ADGRB3: variants seen among roughly 807,000 people sequenced by gnomAD.
ADGRB3 encodes brain-specific angiogenesis inhibitor 3.
ADGRB3 carries 37 observed loss-of-function variants against 193.4 expected under a neutral mutation model. That is an observed-to-expected ratio of 0.19 (90% confidence interval 0.15 to 0.25). The LOEUF (loss-of-function observed/expected upper bound fraction) is 0.25. Among genes scored for constraint, ADGRB3 ranks in the 10% least tolerant of loss-of-function variants. The probability of loss-of-function intolerance (pLI) is 1.00; values close to 1 mark genes in which losing one functional copy is unlikely to be tolerated. For synonymous variants in ADGRB3, 690 were observed against 644.2 expected, an observed-to-expected ratio of 1.07 and a Z score of -1.08; for missense variants, 1,637 against 1,852.9, an observed-to-expected ratio of 0.88 and a Z score of 2.14.
chr6:68,659,329 T>TAA (rs143311303), intron 3 of ADGRB3, among the ~76,000 whole-genome samples: 4 of 145,144 alleles, frequency 2.8e-5, no homozygotes, highest in African/African-American at 7.5e-5. Context: ...TCATTTTTTC[T>TAA]AAAAAAAAAA....
intron 17 of ADGRB3, among the ~76,000 whole-genome samples, chr6:69,089,106 G>A (rs1161955847): frequency 6.6e-6 from 1 of 152,214 alleles, no homozygotes; most frequent in Non-Finnish European, 1.5e-5. Flanking sequence ...CTCCACAGAG[G>A]AAGTACTGCA....
chr6:69,189,834 G>A (rs866688126), intron 17 of ADGRB3, among the ~76,000 whole-genome samples: 11 of 152,258 alleles, frequency 7.2e-5, no homozygotes, highest in South Asian at 2.1e-4. Context: ...CCGTAGTAAT[G>A]TTGTATACCA....
At chr6:68,883,085 A>C (rs1765778986) in intron 3 of ADGRB3, among the ~76,000 whole-genome samples, 1 of 151,986 alleles carries the variant, frequency 6.6e-6, no homozygotes. Context: ...TAGTAGAGAC[A>C]GGGTTTCACT....
intron 3 of ADGRB3, among the ~76,000 whole-genome samples, chr6:68,892,585 G>A (rs891000648): frequency 1.3e-5 from 2 of 152,020 alleles, no homozygotes; most frequent in African/African-American, 2.4e-5. Flanking sequence ...CCACTGGATT[G>A]TAAACTCCCT....
At chr6:69,174,816 G>T (rs1286047690) in intron 17 of ADGRB3, among the ~76,000 whole-genome samples, 1 of 152,150 alleles carries the variant, frequency 6.6e-6, no homozygotes, top group Non-Finnish European at 1.5e-5. Flanking sequence ...GGCGTCAGAT[G>T]GTATCTCATT....
intron 13 of ADGRB3, among the ~76,000 whole-genome samples, chr6:69,028,870 T>C (rs1289820488): frequency 6.6e-6 from 1 of 152,202 alleles, no homozygotes; most frequent in Non-Finnish European, 1.5e-5. Flanking sequence ...TTCCTCAAGC[T>C]TTCTAAGAAA....
intron 3 of ADGRB3, among the ~76,000 whole-genome samples, chr6:68,657,347 T>A (rs1477687893): frequency 6.6e-6 from 1 of 151,506 alleles, no homozygotes; most frequent in African/African-American, 2.4e-5. Flanking sequence ...CTCAGTGCCA[T>A]GTCATGTAAC....
intron 17 of ADGRB3, among the ~76,000 whole-genome samples, chr6:69,080,752 A>G (rs753627088): frequency 7.2e-5 from 11 of 152,132 alleles, no homozygotes; most frequent in Admixed American, 2.0e-4. Context: ...TCAATTAACC[A>G]TAGACAGGAA....
At chr6:69,336,474 A>T (rs886683065) in intron 24 of ADGRB3, among the ~76,000 whole-genome samples, 3 of 151,990 alleles carry the variant, frequency 2.0e-5, no homozygotes, top group African/African-American at 7.2e-5. Flanking sequence ...GTTATTAACA[A>T]TAAATCAGTC....
Position 68,638,658 on chromosome 6 carries a change from C to T in ADGRB3, c.-15-3C>T. ...CATTTTACTTTCATTGCCATTTTTA[C>T]AGGCCAAATGACATAGGATGAAGGC... On this transcript the variant is annotated splice_polypyrimidine_tract_variant and splice_region_variant and intron_variant, in intron 2 of 31. Transcript: ENST00000370598. 1 of 1,575,592 alleles carries T rather than the reference C, an allele frequency of 6.3e-7. No individual in the cohort carries two copies. The highest frequency in any genetic ancestry group is 8.6e-7 in the Non-Finnish European group (1 of 1,162,242).
At chr6:69,353,043 A>C (rs934642823) in intron 26 of ADGRB3, among the ~76,000 whole-genome samples, 7 of 152,178 alleles carry the variant, frequency 4.6e-5, no homozygotes, top group Non-Finnish European at 1.0e-4. Context: ...ATTGACATTG[A>C]CTTGGAATAA....
At chr6:68,949,379 C>T (rs1393785123) in intron 6 of ADGRB3, among the ~76,000 whole-genome samples, 1 of 150,200 alleles carries the variant, frequency 6.7e-6, no homozygotes, top group African/African-American at 2.4e-5. Flanking sequence ...AGATATATTT[C>T]CTACTCTTAC....
At chr6:69,211,153 G>GTGTA (rs1765659356) in intron 17 of ADGRB3, among the ~76,000 whole-genome samples, 1 of 152,030 alleles carries the variant, frequency 6.6e-6, no homozygotes, top group South Asian at 2.1e-4. Context: ...AGCAGAAGTT[G>GTGTA]TGTATGTGAC....
At chr6:69,168,912 AT>A (rs1176621659) in intron 17 of ADGRB3, among the ~76,000 whole-genome samples, 2 of 151,758 alleles carry the variant, frequency 1.3e-5, no homozygotes, top group Non-Finnish European at 2.9e-5. Flanking sequence ...CATCTCATAA[AT>A]TTTTTTTACT....
At chr6:69,151,974 A>G (rs1167678022) in intron 17 of ADGRB3, among the ~76,000 whole-genome samples, 1 of 151,952 alleles carries the variant, frequency 6.6e-6, no homozygotes, top group Non-Finnish European at 1.5e-5. Flanking sequence ...CTTGGCACTT[A>G]TCCTTGATGC....
intron 8 of ADGRB3, among the ~76,000 whole-genome samples, chr6:68,968,215 T>G (rs1768440466): frequency 1.3e-5 from 2 of 152,146 alleles, no homozygotes; most frequent in Admixed American, 6.6e-5. Flanking sequence ...GCCGGCCCAG[T>G]AAACATTTCA....
chr6:69,029,727 A>T (rs1770568981), intron 13 of ADGRB3, among the ~76,000 whole-genome samples: 1 of 152,132 alleles, frequency 6.6e-6, no homozygotes, highest in Admixed American at 6.6e-5. Context: ...ATATCTTTCT[A>T]TACTGGACAT....
intron 3 of ADGRB3, among the ~76,000 whole-genome samples, chr6:68,786,474 C>T (rs1324390621): frequency 5.3e-5 from 8 of 151,964 alleles, no homozygotes; most frequent in East Asian, 1.9e-4. Context: ...AGATATGCAG[C>T]GTTATTTCTG....
chr6:69,324,568 G>A (rs1253340383), intron 20 of ADGRB3, among the ~76,000 whole-genome samples: 1 of 152,100 alleles, frequency 6.6e-6, no homozygotes, highest in Non-Finnish European at 1.5e-5. Context: ...TCATAATTAT[G>A]TTTTAAAAAT....
Sources: allele counts gnomAD v4.1 joint callset (sites outside exome capture counted in the v4.1 genomes callset), GRCh38; gene constraint gnomAD v4.1.1; transcripts MANE v1.5; gene names NCBI Gene and HGNC (gene_info 2026-07-23, HGNC 2026-07-21).